The following DCT variants were observed in gnomAD, a reference collection of about 807,000 sequenced individuals.
DCT encodes the protein dopachrome tautomerase.
DCT carries 47 observed loss-of-function variants against 53.0 expected under a neutral mutation model. The observed-to-expected ratio is 0.89, with a 90% CI of 0.70 to 1.13. The LOEUF (loss-of-function observed/expected upper bound fraction) is 1.13, where lower values mean the gene tolerates loss of function less well. Ranked by LOEUF, DCT falls within the 50% of genes most tolerant of loss-of-function variation. The probability of loss-of-function intolerance (pLI) is 0.00; values close to 1 mark genes in which losing one functional copy is unlikely to be tolerated. For synonymous variants in DCT, 244 were observed against 237.0 expected (o/e 1.03, Z -0.27); for missense variants, 669 against 637.4 (o/e 1.05, Z -0.53).
chr13:94,540,134 G>A, the DCT span, among the ~76,000 whole-genome samples: 1 of 151,942 alleles, frequency 6.6e-6, no homozygotes, highest in African/African-American at 2.4e-5. Context: ...TGTGTTTAAT[G>A]TAAAACATTG....
chr13:94,484,561 A>T (rs1253732444), upstream of DCT, among the ~76,000 whole-genome samples: 1 of 152,184 alleles, frequency 6.6e-6, no homozygotes, highest in Admixed American at 6.5e-5. Context: ...ACTTTCCCAC[A>T]GTTCCAGAGG....
chr13:94,506,134 G>A, the DCT span, among the ~76,000 whole-genome samples: 23 of 152,262 alleles, frequency 1.5e-4, no homozygotes, highest in Middle Eastern at 3.4e-3. Context: ...CAGAAATCAC[G>A]TATAGTTTGT....
Position 94,478,985 on chromosome 13 carries a change from A to G in DCT, c.271T>C (p.Phe91Leu), listed in dbSNP as rs747904928. 2.3e-5 allele frequency: 37 copies of G among 1,612,008 alleles called. 1 individual carries two copies. The South Asian group carries it at 3.2e-4, about 14-fold the overall frequency. ...CCTGTGCACTTGCAGGTCCGGTGGA[A>G]GAATTTTCTTGGCCACAGCTCACGG... ...DDRELWPRKF[F>L]HRTCKCTGNF... The change falls in exon 1 of 8, where the codon TTC (phenylalanine) becomes CTC (leucine). Residue 91 changes from phenylalanine to leucine, a missense_variant. Physicochemically the swap from Phe to Leu is conservative, Grantham distance 22. Coordinates refer to ENST00000377028, the MANE Select transcript of DCT (RefSeq NM_001922.5).
upstream of DCT, among the ~76,000 whole-genome samples, chr13:94,482,240 T>C (rs1885471132): frequency 6.6e-6 from 1 of 152,224 alleles, no homozygotes; most frequent in Non-Finnish European, 1.5e-5. Context: ...TTTTTAATCA[T>C]TTACCATGGA....
In DCT at chr13:94,438,559, G is replaced by A. The variant is rs1594261807; in HGVS notation, c.*1339C>T. On this transcript the variant is annotated 3_prime_UTR_variant, in exon 8 of 8. Transcript: ENST00000377028. Reference sequence around the variant, plus strand: ...CATTCATTCATTCCAGTAGAGAGGGGCCTCGACAGACAAGCCACGCCCTAG... The same window carrying A: ...CATTCATTCATTCCAGTAGAGAGGGACCTCGACAGACAAGCCACGCCCTAG... The A allele has an allele frequency of 2.2e-6, 1 of 455,526 alleles. No individual in the cohort carries two copies. The highest frequency in any genetic ancestry group is 2.0e-5 in the African/African-American group (1 of 50,026). 28.2% of individuals were successfully genotyped at this position (455,526 alleles called of 1,614,324 possible).
the DCT span, among the ~76,000 whole-genome samples, chr13:94,485,729 A>G: frequency 6.6e-6 from 1 of 152,214 alleles, no homozygotes; most frequent in Non-Finnish European, 1.5e-5. Context: ...GACAGGAAGT[A>G]ATAATACTAA....
chr13:94,518,797 C>A, the DCT span, among the ~76,000 whole-genome samples: 1 of 152,178 alleles, frequency 6.6e-6, no homozygotes, highest in Non-Finnish European at 1.5e-5. Context: ...TATTCCAGTT[C>A]TTCATAGAAT....
At chr13:94,484,220 G>A (rs1885568689), upstream of DCT, among the ~76,000 whole-genome samples, 1 of 152,162 alleles carries the variant, frequency 6.6e-6, no homozygotes, top group Admixed American at 6.5e-5. Flanking sequence ...GCCACTACTT[G>A]GAAGAGGTCC....
the DCT span, among the ~76,000 whole-genome samples, chr13:94,485,501 A>C: frequency 6.6e-6 from 1 of 152,212 alleles, no homozygotes; most frequent in East Asian, 1.9e-4. Context: ...TTAAAGGAAA[A>C]GGCTTAAACG....
intron 6 of DCT, among the ~76,000 whole-genome samples, chr13:94,455,381 T>TAGAGAGAGAG (rs56301019): frequency 0.095 from 13,485 of 141,570 alleles, 680 homozygotes; most frequent in Middle Eastern, 0.12. Flanking sequence ...GACTGTCTCT[T>TAGAGAGAGAG]AGAGAGAGAG....
Position 94,462,008 on chromosome 13 carries a change from A to G in DCT, c.1043+2T>C. 6.2e-7 allele frequency: 1 copy of G among 1,612,432 alleles called. No homozygotes were observed. The highest frequency in any genetic ancestry group is 8.5e-7 in the Non-Finnish European group (1 of 1,179,290). ...AGGTCCAGCAGAGCTCAGAGCACCC[A>G]CCTGAAACTGAAGGTAGAGTTCTGG... On this transcript the variant is annotated splice_donor_variant, in intron 5 of 7. Coordinates refer to ENST00000377028, the MANE Select transcript of DCT (RefSeq NM_001922.5). LOFTEE classifies it high-confidence loss of function.
At chr13:94,526,035 A>C in the DCT span, among the ~76,000 whole-genome samples, 1 of 152,240 alleles carries the variant, frequency 6.6e-6, no homozygotes, top group African/African-American at 2.4e-5. Context: ...TTTGATGAGC[A>C]CACTGAATTC....
Position 94,466,569 on chromosome 13 carries a change from T to C in DCT, c.685A>G (p.Arg229Gly). The C allele has an allele frequency of 6.2e-7, 1 of 1,606,582 alleles. No homozygotes were observed. Residue 229 changes from arginine (R) to glycine (G), a missense_variant, in exon 3 of 8, where the codon AGA becomes GGA. Arg to Gly is a moderately radical substitution (Grantham distance 125). Transcript: ENST00000377028. Reference protein sequence around the residue: ...WHRYHLLCLERDLQRLIGNES... With the variant: ...WHRYHLLCLEGDLQRLIGNES... The stretch of plus-strand genomic sequence containing the variant: ...TAGTTTTGACCTACCTGGAGATCTC[T>C]TTCCAGACACAACAAATGGTACCGG...
At chr13:94,478,096 C>T (rs916486348) in intron 1 of DCT, among the ~76,000 whole-genome samples, 6 of 152,170 alleles carry the variant, frequency 3.9e-5, no homozygotes, top group Admixed American at 1.3e-4. Flanking sequence ...TTGTGATGTC[C>T]GGTTCAAGTC....
intron 2 of DCT, chr13:94,468,380 A>C (rs781406390): frequency 7.7e-5 from 16 of 206,988 alleles, no homozygotes; most frequent in Non-Finnish European, 5.9e-5. Flanking sequence ...AATTTGGAGA[A>C]AAGGTCAGAG....
the DCT span, among the ~76,000 whole-genome samples, chr13:94,493,133 T>C: frequency 1.3e-5 from 2 of 152,140 alleles, no homozygotes; most frequent in Non-Finnish European, 2.9e-5. Flanking sequence ...AAGAACTCTG[T>C]GGGCTATTTT....
the DCT span, among the ~76,000 whole-genome samples, chr13:94,543,166 C>G: frequency 6.6e-6 from 1 of 152,154 alleles, no homozygotes; most frequent in Non-Finnish European, 1.5e-5. Flanking sequence ...GATGTGCACA[C>G]TAACTCATCA....
intron 2 of DCT, 35 bp from the exon 3 acceptor site, chr13:94,466,693 A>T: frequency 1.4e-6 from 2 of 1,425,378 alleles, no homozygotes; most frequent in South Asian, 2.5e-5. Context: ...GAGATGACAG[A>T]ATAGAATTTT....
At chr13:94,481,830 T>C (rs554847856), upstream of DCT, among the ~76,000 whole-genome samples, 9 of 152,324 alleles carry the variant, frequency 5.9e-5, no homozygotes, top group South Asian at 1.9e-3. Flanking sequence ...GTCTTCTCCA[T>C]CTCCACAAAG....
Sources: allele counts gnomAD v4.1 joint callset (sites outside exome capture counted in the v4.1 genomes callset), GRCh38; gene constraint gnomAD v4.1.1; transcripts MANE v1.5; gene names NCBI Gene and HGNC (gene_info 2026-07-23, HGNC 2026-07-21).